The following CDH8 variants were observed in gnomAD, a reference collection of about 807,000 sequenced individuals.
The protein encoded by CDH8 is cadherin-8.
A neutral mutation model predicts 68.1 loss-of-function variants in CDH8; 17 were observed. The observed-to-expected ratio is 0.25, with a 90% CI of 0.17 to 0.37. The LOEUF is 0.37. Ranked by LOEUF, CDH8 falls within the 10% of genes least tolerant of loss-of-function variation. CDH8 has a pLI of 1.00. For missense variants in CDH8, 763 were observed against 999.3 expected, an observed-to-expected ratio of 0.76 and a Z score of 3.19; for synonymous variants, 372 against 365.1, an observed-to-expected ratio of 1.02 and a Z score of -0.21.
chr16:61,937,371 G>A (rs1964644422), intron 2 of CDH8, among the ~76,000 whole-genome samples: 2 of 152,102 alleles, frequency 1.3e-5, no homozygotes. Context: ...ACAATCACTA[G>A]GAAAGACGCA....
At chr16:61,755,338 TAATA>T (rs1338623025) in intron 8 of CDH8, among the ~76,000 whole-genome samples, 1 of 152,202 alleles carries the variant, frequency 6.6e-6, no homozygotes, top group Non-Finnish European at 1.5e-5. Context: ...CTATGATTAT[TAATA>T]TTTTGTGTAT....
At chr16:61,973,814 T>C (rs1271978526) in intron 2 of CDH8, among the ~76,000 whole-genome samples, 1 of 152,212 alleles carries the variant, frequency 6.6e-6, no homozygotes, top group African/African-American at 2.4e-5. Context: ...CAAATCGATA[T>C]CCAGTCATTC....
At chr16:61,788,724 C>A (rs989849253) in intron 8 of CDH8, among the ~76,000 whole-genome samples, 1 of 151,840 alleles carries the variant, frequency 6.6e-6, no homozygotes, top group African/African-American at 2.4e-5. Flanking sequence ...TTTAACAACC[C>A]TAGACTCTCC....
Position 61,960,087 on chromosome 16 carries a change from ATG to A in CDH8, c.253-58616_253-58615del, listed in dbSNP as rs1195291134. ...TGTATACACATACATATATACATAT[ATG>A]TGTGTGTGTATACACATACATATAT... On this transcript the variant is annotated intron_variant, in intron 2 of 11. Transcript: ENST00000577390. Among the ~76,000 whole-genome samples the A allele has an allele frequency of 5.6e-3, 308 of 55,356 alleles. 73 individuals are homozygous for A. Among genetic ancestry groups the A allele is most frequent in the East Asian group, 9.6e-3 (19 of 1,984 alleles). The allele number at this position is 55,356 out of a possible 152,430, so 36.3% of individuals were successfully genotyped here.
intron 10 of CDH8, among the ~76,000 whole-genome samples, chr16:61,660,617 C>G (rs956803008): frequency 1.3e-5 from 2 of 151,888 alleles, no homozygotes; most frequent in Non-Finnish European, 2.9e-5. Flanking sequence ...AACACAAACA[C>G]AAAGATATTC....
chr16:61,993,046 A>G (rs1470549464), intron 2 of CDH8, among the ~76,000 whole-genome samples: 2 of 152,166 alleles, frequency 1.3e-5, no homozygotes, highest in African/African-American at 4.8e-5. Context: ...TGGCCTTCCA[A>G]AGTACTGGGA....
At chr16:61,830,070 C>A (rs1157992588) in intron 4 of CDH8, among the ~76,000 whole-genome samples, 1 of 151,812 alleles carries the variant, frequency 6.6e-6, no homozygotes, top group African/African-American at 2.4e-5. Flanking sequence ...ATGAAAATAG[C>A]CTTACTATTC....
chr16:61,867,189 TACTA>T (rs1346636721), intron 3 of CDH8, among the ~76,000 whole-genome samples: 3 of 152,192 alleles, frequency 2.0e-5, no homozygotes, highest in Admixed American at 6.5e-5. Flanking sequence ...AAAAAATATT[TACTA>T]ACTGACACGA....
intron 8 of CDH8, among the ~76,000 whole-genome samples, chr16:61,758,194 G>A (rs897269363): frequency 2.6e-5 from 4 of 152,080 alleles, no homozygotes; most frequent in Non-Finnish European, 4.4e-5. Context: ...GGAAACCTGT[G>A]TATATACTGG....
At chr16:61,882,906 T>C (rs1963604307) in intron 3 of CDH8, among the ~76,000 whole-genome samples, 1 of 152,150 alleles carries the variant, frequency 6.6e-6, no homozygotes, top group Non-Finnish European at 1.5e-5. Flanking sequence ...AAAAAAGAAG[T>C]AGTTGCAGGT....
At chr16:62,008,723 A>G (rs1242166737) in intron 2 of CDH8, among the ~76,000 whole-genome samples, 1 of 152,084 alleles carries the variant, frequency 6.6e-6, no homozygotes, top group Non-Finnish European at 1.5e-5. Context: ...AAAAACTAAG[A>G]CCTTTCTTTA....
chr16:61,811,489 G>C (rs1296021910), intron 7 of CDH8, among the ~76,000 whole-genome samples: 1 of 152,120 alleles, frequency 6.6e-6, no homozygotes, highest in Admixed American at 6.6e-5. Context: ...AAATAGTATG[G>C]AGGTTCCTCA....
rs199844459 is a variant in CDH8 at position 61,919,367 on chromosome 16, A to G, written c.253-17894T>C. ...AGGCTTCAGACGATCAAATTACTCC[A>G]AGCTACGGGAGGACATTCAAACCAA... On this transcript the variant is annotated intron_variant, in intron 2 of 11. Coordinates refer to ENST00000577390, the MANE Select transcript of CDH8 (RefSeq NM_001796.5). Among the ~76,000 whole-genome samples, 197 of 144,668 alleles carry G rather than the reference A, an allele frequency of 1.4e-3. 14 individuals are homozygous for G. Among genetic ancestry groups the G allele is most frequent in the African/African-American group, 4.1e-3 (162 of 39,052 alleles). 94.9% of individuals were successfully genotyped at this position (144,668 alleles called of 152,430 possible). A position where few individuals can be genotyped will look rare whatever the true frequency, so the allele number is the denominator to read the frequency against.
intron 8 of CDH8, among the ~76,000 whole-genome samples, chr16:61,768,311 C>CTCTCTCTCTCT (rs1567461041): frequency 1.6e-3 from 27 of 16,390 alleles, no homozygotes; most frequent in Non-Finnish European, 2.0e-3. Context: ...TGTGTCTCTC[C>CTCTCTCTCTCT]CTTTCTCTCT....
chr16:61,814,330 G>A (rs987700328), intron 7 of CDH8, among the ~76,000 whole-genome samples: 3 of 152,084 alleles, frequency 2.0e-5, no homozygotes, highest in African/African-American at 7.2e-5. Context: ...AAGTAGCAAG[G>A]AACTAATTAA....
chr16:61,865,335 G>T (rs1356479080), intron 3 of CDH8, among the ~76,000 whole-genome samples: 1 of 152,170 alleles, frequency 6.6e-6, no homozygotes, highest in East Asian at 1.9e-4. Flanking sequence ...ACTTAACATT[G>T]TGTTTTTAGA....
intron 2 of CDH8, among the ~76,000 whole-genome samples, chr16:61,991,664 C>A (rs1965723583): frequency 6.6e-6 from 1 of 152,176 alleles, no homozygotes; most frequent in African/African-American, 2.4e-5. Flanking sequence ...AGCCGGTGTG[C>A]CCACTTCGTT....
chr16:61,919,299 A>G (rs1964316651), intron 2 of CDH8, among the ~76,000 whole-genome samples: 1 of 148,606 alleles, frequency 6.7e-6, no homozygotes, highest in Non-Finnish European at 1.5e-5. Flanking sequence ...CCAGCAACGG[A>G]ACAAAGCTGG....
chr16:62,017,449 G>A (rs1342667680), intron 2 of CDH8, among the ~76,000 whole-genome samples: 3 of 152,156 alleles, frequency 2.0e-5, no homozygotes, highest in Non-Finnish European at 4.4e-5. Context: ...GAGAAGCCAA[G>A]GCCAGAGGAC....
Sources: gnomAD v4.1 joint callset for allele counts (sites outside exome capture counted in the v4.1 genomes callset) on GRCh38, gnomAD v4.1.1 for gene constraint, MANE v1.5 for transcripts, NCBI Gene and HGNC (gene_info 2026-07-23, HGNC 2026-07-21) for gene names.